The following TCEA1 variants were observed in gnomAD, a reference collection of about 807,000 sequenced individuals.
TCEA1 encodes transcription elongation factor A protein 1.
In TCEA1, 21 loss-of-function variants were observed where a neutral mutation model predicts 43.8. The observed-to-expected ratio is 0.48, with a 90% CI of 0.34 to 0.69. TCEA1 has a LOEUF of 0.69. TCEA1 is among the 30% of genes least tolerant of loss of function. TCEA1 has a pLI of 0.01. For missense variants in TCEA1, 250 were observed against 365.1 expected (o/e 0.68, Z 2.57); for synonymous variants, 104 against 117.5 (o/e 0.88, Z 0.75).
intron 1 of TCEA1, 55 bp downstream of exon 1, chr8:54,022,008 C>G: frequency 1.3e-6 from 2 of 1,517,484 alleles, no homozygotes; most frequent in Non-Finnish European, 1.8e-6. Context: ...GCGGCCCCCT[C>G]GGGCCGGACC....
At chr8:53,971,119 A>G (rs1195552993) in intron 8 of TCEA1, 2 of 152,268 alleles carry the variant, frequency 1.3e-5, no homozygotes, top group African/African-American at 4.8e-5. Flanking sequence ...TTACACAGCC[A>G]GTAAGATGCT....
At chr8:54,012,175 ATAGG>A (rs971434595) in intron 1 of TCEA1, among the ~76,000 whole-genome samples, 5 of 152,244 alleles carry the variant, frequency 3.3e-5, no homozygotes. Context: ...TAGATTTCTC[ATAGG>A]TAAACTCATT....
intron 5 of TCEA1, 49 bp downstream of exon 5, chr8:53,988,065 G>A (rs757462425): frequency 1.2e-5 from 19 of 1,589,390 alleles, no homozygotes; most frequent in Non-Finnish European, 1.5e-5. Context: ...GATGGCAGTG[G>A]TTGTGGGTGG....
At chr8:54,001,192 A>G (rs377303321) in intron 2 of TCEA1, among the ~76,000 whole-genome samples, 54 of 152,340 alleles carry the variant, frequency 3.5e-4, no homozygotes, top group African/African-American at 1.2e-3. Context: ...AAAAAATGGT[A>G]TATTATTTAG....
intron 6 of TCEA1, among the ~76,000 whole-genome samples, chr8:53,985,434 T>TGA (rs1478586536): frequency 6.6e-6 from 1 of 152,210 alleles, no homozygotes; most frequent in Non-Finnish European, 1.5e-5. Flanking sequence ...AGCTTGAACT[T>TGA]ATTCAAGCTT....
chr8:54,021,813 G>A, intron 1 of TCEA1: 1 of 364,014 alleles, frequency 2.7e-6, no homozygotes, highest in Non-Finnish European at 4.8e-6. Flanking sequence ...TCCCTAAATC[G>A]ATTAGGTTTA....
chr8:53,972,972 A>G (rs1421568794), intron 8 of TCEA1: 3 of 666,438 alleles, frequency 4.5e-6, no homozygotes, highest in African/African-American at 1.8e-5. Context: ...CAATGGGAAC[A>G]TCAATGGTGG....
At chr8:53,976,401 G>C (rs958914475) in intron 8 of TCEA1, among the ~76,000 whole-genome samples, 1 of 152,172 alleles carries the variant, frequency 6.6e-6, no homozygotes, top group Non-Finnish European at 1.5e-5. Context: ...AAGTGGACAT[G>C]AATCTTTTGC....
intron 4 of TCEA1, among the ~76,000 whole-genome samples, chr8:53,990,358 TTC>T (rs1384905512): frequency 1.3e-5 from 2 of 150,994 alleles, no homozygotes; most frequent in East Asian, 1.9e-4. Flanking sequence ...CTCATTTCTT[TTC>T]TTTTTTTTTT....
chr8:53,989,626 T>C (rs1353335671), intron 4 of TCEA1, among the ~76,000 whole-genome samples: 1 of 152,264 alleles, frequency 6.6e-6, no homozygotes, highest in Non-Finnish European at 1.5e-5. Flanking sequence ...CATTTTCTTC[T>C]CTATCAGACT....
At chr8:53,999,686 T>C in intron 3 of TCEA1, 1 of 387,472 alleles carries the variant, frequency 2.6e-6, no homozygotes, top group Middle Eastern at 6.8e-4. Flanking sequence ...AACCTTTCCT[T>C]TAAGAGAAAA....
At chr8:54,014,103 C>CA (rs1299784432) in intron 1 of TCEA1, among the ~76,000 whole-genome samples, 14 of 151,974 alleles carry the variant, frequency 9.2e-5, no homozygotes, top group Admixed American at 2.6e-4. Context: ...TAACTACACA[C>CA]AAAAAAAAGA....
At chr8:53,980,726 T>A (rs1282205065) in intron 7 of TCEA1, among the ~76,000 whole-genome samples, 2 of 152,096 alleles carry the variant, frequency 1.3e-5, no homozygotes, top group Non-Finnish European at 2.9e-5. Context: ...TCAGGCCAAT[T>A]AATAACCCTA....
intron 2 of TCEA1, chr8:54,002,804 T>C: frequency 2.3e-6 from 1 of 437,182 alleles, no homozygotes; most frequent in South Asian, 1.6e-5. Flanking sequence ...CAGGACAAAC[T>C]ATACATCGTG....
chr8:54,008,657 A>G, intron 2 of TCEA1, among the ~76,000 whole-genome samples: 1 of 124,280 alleles, frequency 8.0e-6, no homozygotes, highest in East Asian at 4.3e-4. Flanking sequence ...CAGAGACCTT[A>G]TCTTAAAAAA....
chr8:53,987,613 T>C (rs1452412648), intron 5 of TCEA1, among the ~76,000 whole-genome samples: 4 of 152,190 alleles, frequency 2.6e-5, no homozygotes, highest in African/African-American at 9.7e-5. Context: ...AATATTCCTG[T>C]ATATAAAACT....
At chr8:53,973,078 T>G (rs1414808309) in intron 8 of TCEA1, 1 of 663,914 alleles carries the variant, frequency 1.5e-6, no homozygotes, top group Non-Finnish European at 2.9e-6. Context: ...CAAGACTACT[T>G]AGCTTCCTCT....
intron 4 of TCEA1, among the ~76,000 whole-genome samples, chr8:53,990,016 T>C (rs1452477947): frequency 6.6e-6 from 1 of 152,142 alleles, no homozygotes; most frequent in African/African-American, 2.4e-5. Flanking sequence ...GACAAAATAG[T>C]GAGACCCAGG....
intron 3 of TCEA1, among the ~76,000 whole-genome samples, chr8:53,995,294 CAAAAAAAAAAAA>C (rs925755044): frequency 1.7e-5 from 1 of 57,932 alleles, no homozygotes; most frequent in Admixed American, 1.7e-4. Flanking sequence ...GACTCTGTCT[CAAAAAAAAAAAA>C]AAAAAAAAAG....
Sources: gnomAD v4.1 joint callset for allele counts (sites outside exome capture counted in the v4.1 genomes callset) on GRCh38, gnomAD v4.1.1 for gene constraint, MANE v1.5 for transcripts, NCBI Gene and HGNC (gene_info 2026-07-23, HGNC 2026-07-21) for gene names.